Variants in OSBPL10 observed in about 807,000 individuals in gnomAD.
The protein encoded by OSBPL10 is oxysterol binding protein like 10, also known as oxysterol-binding protein-related protein 10.
A neutral mutation model predicts 81.7 loss-of-function variants in OSBPL10; 49 were observed. The ratio of observed to expected loss-of-function variants is 0.60; its 90% confidence interval spans 0.48 to 0.76. OSBPL10 has a LOEUF of 0.76. Ranked by LOEUF, OSBPL10 falls within the 30% of genes least tolerant of loss-of-function variation. The pLI is 0.00. For synonymous variants in OSBPL10, 419 were observed against 383.6 expected (o/e 1.09, Z -1.08); for missense variants, 923 against 987.8 (o/e 0.93, Z 0.88).
chr3:31,774,658 A>C (rs891975735), intron 4 of OSBPL10, among the ~76,000 whole-genome samples: 1 of 151,334 alleles, frequency 6.6e-6, no homozygotes, highest in Admixed American at 6.6e-5. Flanking sequence ...GATTACAGGC[A>C]CCCACCACCA....
At chr3:32,072,901 T>C (rs1699842264) in intron 1 of OSBPL10, among the ~76,000 whole-genome samples, 1 of 152,172 alleles carries the variant, frequency 6.6e-6, no homozygotes, top group South Asian at 2.1e-4. Flanking sequence ...CCCACCTCTA[T>C]ACAGTCTGAT....
intron 5 of OSBPL10, among the ~76,000 whole-genome samples, chr3:31,737,515 A>G (rs1332829395): frequency 6.6e-6 from 1 of 152,190 alleles, no homozygotes; most frequent in Non-Finnish European, 1.5e-5. Flanking sequence ...GAAAAGAGAG[A>G]TGGATGCATC....
intron 1 of OSBPL10, among the ~76,000 whole-genome samples, chr3:32,054,827 A>C (rs895749003): frequency 2.0e-5 from 3 of 151,952 alleles, no homozygotes; most frequent in Non-Finnish European, 4.4e-5. Flanking sequence ...CACTGTGCCC[A>C]GCAATTGTGG....
intron 2 of OSBPL10, among the ~76,000 whole-genome samples, chr3:32,001,382 A>G (rs1410162861): frequency 6.6e-6 from 1 of 152,212 alleles, no homozygotes; most frequent in East Asian, 1.9e-4. Context: ...AATAATAATC[A>G]TAGGTATTAC....
At chr3:31,677,892 T>C (rs1197559644) in intron 8 of OSBPL10, among the ~76,000 whole-genome samples, 2 of 150,458 alleles carry the variant, frequency 1.3e-5, no homozygotes, top group Non-Finnish European at 3.0e-5. Flanking sequence ...CCATCCTGGC[T>C]AACAAGGTGA....
intron 1 of OSBPL10, among the ~76,000 whole-genome samples, chr3:31,921,105 G>T (rs529791848): frequency 1.2e-3 from 182 of 152,270 alleles, no homozygotes; most frequent in African/African-American, 4.1e-3. Context: ...TAATCCATGT[G>T]CTAATAGGCT....
intron 1 of OSBPL10, among the ~76,000 whole-genome samples, chr3:32,067,925 G>C (rs1390004407): frequency 6.6e-6 from 1 of 152,174 alleles, no homozygotes; most frequent in Non-Finnish European, 1.5e-5. Context: ...AGATGCGTAT[G>C]ACATTTGGTG....
At chr3:31,890,898 G>T (rs916598166) in intron 1 of OSBPL10, among the ~76,000 whole-genome samples, 1 of 152,026 alleles carries the variant, frequency 6.6e-6, no homozygotes, top group Non-Finnish European at 1.5e-5. Context: ...TCTCTGCTTT[G>T]TACTATAACA....
chr3:31,964,705 A>C (rs997756894), intron 1 of OSBPL10, among the ~76,000 whole-genome samples: 1 of 152,186 alleles, frequency 6.6e-6, no homozygotes, highest in East Asian at 1.9e-4. Flanking sequence ...GAAATAAACA[A>C]CACCCTGGCC....
At chr3:31,941,619 T>C (rs1339562745) in intron 1 of OSBPL10, among the ~76,000 whole-genome samples, 1 of 152,220 alleles carries the variant, frequency 6.6e-6, no homozygotes, top group Non-Finnish European at 1.5e-5. Flanking sequence ...CAATTTCTTG[T>C]ATTCCATAAT....
chr3:31,722,842 A>G (rs1319632344), intron 6 of OSBPL10, among the ~76,000 whole-genome samples: 3 of 152,198 alleles, frequency 2.0e-5, no homozygotes, highest in Non-Finnish European at 4.4e-5. Flanking sequence ...TGCTGTAAAT[A>G]AAGATTTGAT....
At chr3:31,985,559 G>A (rs886763322), upstream of OSBPL10, among the ~76,000 whole-genome samples, 3 of 152,186 alleles carry the variant, frequency 2.0e-5, no homozygotes, top group African/African-American at 7.2e-5. Flanking sequence ...AGTTGTTTCT[G>A]AGGCTCCCTC....
chr3:32,028,142 T>C (rs116599016), intron 2 of OSBPL10, among the ~76,000 whole-genome samples: 3,192 of 152,328 alleles, frequency 0.021, 53 homozygotes, highest in Non-Finnish European at 0.034. Flanking sequence ...TTGTTGCTCC[T>C]GCTAAAGGAG....
intron 6 of OSBPL10, among the ~76,000 whole-genome samples, chr3:31,723,474 A>G (rs1192160159): frequency 6.6e-6 from 1 of 152,000 alleles, no homozygotes; most frequent in Non-Finnish European, 1.5e-5. Context: ...CTACATCCAT[A>G]AGATCTGAAA....
intron 2 of OSBPL10, among the ~76,000 whole-genome samples, chr3:32,031,466 T>TA (rs201413950): frequency 0.022 from 3,336 of 151,146 alleles, 102 homozygotes; most frequent in East Asian, 0.089. Context: ...TAAATAATTT[T>TA]TTTTTTTTTT....
intron 8 of OSBPL10, among the ~76,000 whole-genome samples, chr3:31,677,648 A>G (rs940840829): frequency 8.5e-5 from 13 of 152,280 alleles, no homozygotes; most frequent in African/African-American, 2.9e-4. Flanking sequence ...CTCACCCACG[A>G]CACTGTGGTC....
At chr3:31,965,651 T>TAA (rs1559535053) in intron 1 of OSBPL10, among the ~76,000 whole-genome samples, 1 of 61,358 alleles carries the variant, frequency 1.6e-5, no homozygotes, top group African/African-American at 6.5e-5. Flanking sequence ...ATAAATTATA[T>TAA]ATTATATATT....
At chr3:31,810,931 G>T (rs569784027) in intron 4 of OSBPL10, among the ~76,000 whole-genome samples, 2 of 152,314 alleles carry the variant, frequency 1.3e-5, no homozygotes, top group Admixed American at 6.5e-5. Context: ...AGCATTGTTT[G>T]TAAGAGCAGA....
intron 4 of OSBPL10, among the ~76,000 whole-genome samples, chr3:31,790,887 A>T (rs907306263): frequency 6.6e-6 from 1 of 152,234 alleles, no homozygotes; most frequent in African/African-American, 2.4e-5. Context: ...GCCAGATGGT[A>T]CAGAAGACAC....
Sources: gnomAD v4.1 joint callset for allele counts (sites outside exome capture counted in the v4.1 genomes callset) on GRCh38, gnomAD v4.1.1 for gene constraint, MANE v1.5 for transcripts, NCBI Gene and HGNC (gene_info 2026-07-23, HGNC 2026-07-21) for gene names.